SPDYE5: variants seen among roughly 807,000 people sequenced by gnomAD.
The protein encoded by SPDYE5 is speedy protein E5.
Under a neutral mutation model 48.5 loss-of-function variants are expected in SPDYE5, and 15 were observed. That is an observed-to-expected ratio of 0.31 (90% CI 0.21 to 0.48). The LOEUF is 0.48. SPDYE5 is among the 20% of genes least tolerant of loss of function. The probability of loss-of-function intolerance (pLI) is 0.99; values close to 1 mark genes in which losing one functional copy is unlikely to be tolerated. For missense variants in SPDYE5, 331 were observed against 549.1 expected, an observed-to-expected ratio of 0.60 and a Z score of 3.97; for synonymous variants, 116 against 200.7, an observed-to-expected ratio of 0.58 and a Z score of 3.57.
intron 7 of SPDYE5, 59 bp downstream of exon 7, chr7:75,501,814 G>T: frequency 6.2e-7 from 1 of 1,612,230 alleles, no homozygotes; most frequent in Non-Finnish European, 8.5e-7. Flanking sequence ...CTGGAGGCTG[G>T]ATGAGGGGAG....
intron 8 of SPDYE5, among the ~76,000 whole-genome samples, chr7:75,502,205 C>T (rs587684300): frequency 2.0e-4 from 30 of 149,180 alleles, no homozygotes; most frequent in East Asian, 8.1e-4. Context: ...CGGGGCTGCA[C>T]GGAGCCCTGA....
rs181932386 is a variant in SPDYE5 at position 75,502,352 on chromosome 7, T to A, written c.*45+370T>A. 2.1e-3 allele frequency among the ~76,000 whole-genome samples: 325 copies of A among 151,820 alleles called. 3 individuals carry two copies. Among genetic ancestry groups the A allele is most frequent in the African/African-American group, 7.5e-3 (308 of 41,316 alleles). ...TTGGGTCGAGGGTTCAGTGAAGCTT[T>A]GGTTTACATCTTGTGCAGCTAACCA... On this transcript the variant is annotated intron_variant, in intron 8 of 8. Coordinates refer to ENST00000625065, the MANE Select transcript of SPDYE5 (RefSeq NM_001306141.4).
rs1241432979 is a variant in SPDYE5 at position 75,502,982 on chromosome 7, T to C, written c.*195T>C. On this transcript the variant is annotated 3_prime_UTR_variant, in exon 9 of 9. Coordinates refer to ENST00000625065, the MANE Select transcript of SPDYE5 (RefSeq NM_001306141.4). The stretch of plus-strand genomic sequence containing the variant: ...GATGGAGCTGAATACAGTGATCACG[T>C]TGTCCTCCTAGGAGCAGGGGTGGGG... 2.0e-6 allele frequency: 1 copy of C among 510,578 alleles called. No homozygotes were observed. The highest frequency in any genetic ancestry group is 3.5e-6 in the Non-Finnish European group (1 of 286,300). The allele number at this position is 510,578 out of a possible 1,614,324, so 31.6% of individuals were successfully genotyped here. A position where few individuals can be genotyped will look rare whatever the true frequency, so the allele number is the denominator to read the frequency against.
At chr7:75,492,628 G>A (rs1554481901) in intron 1 of SPDYE5, among the ~76,000 whole-genome samples, 187 bp downstream of exon 1, 2 of 151,818 alleles carry the variant, frequency 1.3e-5, no homozygotes, top group East Asian at 1.9e-4. Flanking sequence ...TAGTAGAGAT[G>A]GGGTTTCACC....
chr7:75,499,921 C>T (rs1464805129), intron 6 of SPDYE5, among the ~76,000 whole-genome samples: 79 of 141,830 alleles, frequency 5.6e-4, no homozygotes, highest in Admixed American at 1.8e-3. Context: ...AGCAAGCAGA[C>T]GTTTCTGGTT....
At chr7:75,502,359 C>T (rs1486280522) in intron 8 of SPDYE5, among the ~76,000 whole-genome samples, 1 of 151,806 alleles carries the variant, frequency 6.6e-6, no homozygotes, top group Non-Finnish European at 1.5e-5. Context: ...CTTTGGTTTA[C>T]ATCTTGTGCA....
rs3973267 is a variant in SPDYE5, at chr7:75,492,484, A to G, written c.-422+43A>G. ...AGATGGAGTTTTGCTCGTTGCCCAG[A>G]CTGGAGCACAATGGTGCGATCTTGG... On this transcript the variant is annotated intron_variant, in intron 1 of 8. Transcript: ENST00000625065. Among the ~76,000 whole-genome samples the G allele has an allele frequency of 1.9e-4, 29 of 152,262 alleles. No individual in the cohort carries two copies. The South Asian group carries it at 5.2e-3, about 27-fold the overall frequency.
At position 75,501,862 on chromosome 7, in the gene SPDYE5, G is replaced by A; in HGVS notation, c.1150-16G>A. 6.2e-7 allele frequency: 1 copy of A among 1,612,030 alleles called. No homozygotes were observed. The highest frequency in any genetic ancestry group is 8.5e-7 in the Non-Finnish European group (1 of 1,179,862). ...TGGCGAGTCCCCGTCTTCTCAAAGG[G>A]CGTTTGTTTTTCCAGATCCAGGCTT... On this transcript the variant is annotated splice_polypyrimidine_tract_variant and intron_variant, in intron 7 of 8. Transcript: ENST00000625065.
Position 75,494,284 on chromosome 7 carries a change from G to A in SPDYE5, c.160+77G>A, listed in dbSNP as rs587775421. ...AAGGGGGCCAGGTGCGGTGGCTCAC[G>A]CCTGTAACCCCAGCACTTTGGGAGG... On this transcript the variant is annotated intron_variant, in intron 2 of 8. Transcript: ENST00000625065. The A allele has an allele frequency of 3.0e-5, 46 of 1,510,612 alleles. No homozygotes were observed. The South Asian group carries it at 4.9e-4, about 16-fold the overall frequency. 93.6% of individuals were successfully genotyped at this position (1,510,612 alleles called of 1,614,324 possible).
chr7:75,494,072 C>T lies in SPDYE5; in HGVS notation c.25C>T (p.Arg9Cys), dbSNP rs1426595366. Residue 9 changes from arginine to cysteine, a missense_variant, in exon 2 of 9, where the codon CGT becomes TGT. Physicochemically the swap from Arg to Cys is radical, Grantham distance 180. Around this residue, in one of 8 missense-constraint regions of SPDYE5, gnomAD observed 67 missense variants for 55.7 expected, o/e 1.20. Transcript: ENST00000625065. MDRTETRF[R>C]KRGQITEKIT... Reference sequence around the variant, plus strand: ...CATGGACAGAACGGAGACTAGGTTCCGTAAGAGGGGACAGATTACGGAAAA... The same window carrying T: ...CATGGACAGAACGGAGACTAGGTTCTGTAAGAGGGGACAGATTACGGAAAA... The T allele has an allele frequency of 4.6e-5, 70 of 1,533,554 alleles. No individual in the cohort carries two copies. The highest frequency in any genetic ancestry group is 5.8e-5 in the Non-Finnish European group (67 of 1,146,462). 95.0% of individuals were successfully genotyped at this position (1,533,554 alleles called of 1,614,324 possible). A position where few individuals can be genotyped will look rare whatever the true frequency, so the allele number is the denominator to read the frequency against.
intron 2 of SPDYE5, among the ~76,000 whole-genome samples, 168 bp downstream of exon 2, chr7:75,494,375 A>C (rs1407044610): frequency 6.9e-6 from 1 of 144,292 alleles, no homozygotes; most frequent in Non-Finnish European, 1.5e-5. Flanking sequence ...GTGAAACCCT[A>C]TCTCTACTAA....
chr7:75,501,254 C>T (rs1793143084), intron 6 of SPDYE5, 108 bp from the exon 7 acceptor site: 1 of 1,526,594 alleles, frequency 6.6e-7, no homozygotes, highest in East Asian at 2.3e-5. Flanking sequence ...GGGTGGGTGC[C>T]AGTCCTGAGC....
rs781998425 is a variant in SPDYE5, at chr7:75,501,772, G to A, written c.1149+17G>A. 13 of 1,564,850 alleles carry A rather than the reference G, an allele frequency of 8.3e-6. No homozygotes were observed. The East Asian group carries it at 2.5e-4, about 30-fold the overall frequency. ...TTGGAGGAGGTAGGTGGGGCCTGGGGAGGTGGAGGAGGTGGGGAGGAATCG... is the reference window on the plus strand; with the variant it reads ...TTGGAGGAGGTAGGTGGGGCCTGGGAAGGTGGAGGAGGTGGGGAGGAATCG... On this transcript the variant is annotated intron_variant, in intron 7 of 8. Coordinates refer to ENST00000625065, the MANE Select transcript of SPDYE5 (RefSeq NM_001306141.4).
At chr7:75,501,849 G>T in intron 7 of SPDYE5, 29 bp from the exon 8 acceptor site, 1 of 1,611,914 alleles carries the variant, frequency 6.2e-7, no homozygotes. Context: ...GCGAGTCCCC[G>T]TCTTCTCAAA....
rs1301888047 is a variant in SPDYE5 at position 75,493,980 on chromosome 7, T to A, written c.-68T>A. On this transcript the variant is annotated 5_prime_UTR_variant, in exon 2 of 9. An upstream open reading frame in the 5' UTR loses its in-frame stop. Coordinates refer to ENST00000625065, the MANE Select transcript of SPDYE5 (RefSeq NM_001306141.4). ...TCTTCTCAGAGCTGTTCTCCACTCC[T>A]GACTTCTCCTAGGCTTGAGAATTGA... 2 of 1,515,656 alleles carry A rather than the reference T, an allele frequency of 1.3e-6. No homozygotes were observed. The highest frequency in any genetic ancestry group is 2.8e-5 in the African/African-American group (2 of 70,538). The allele number at this position is 1,515,656 out of a possible 1,614,324, so 93.9% of individuals were successfully genotyped here.
chr7:75,497,098 C>A (rs587693029), intron 4 of SPDYE5, among the ~76,000 whole-genome samples, 194 bp downstream of exon 4: 7 of 151,896 alleles, frequency 4.6e-5, no homozygotes, highest in Non-Finnish European at 7.4e-5. Flanking sequence ...TAAAGGTCAG[C>A]GCTTGGGATA....
chr7:75,503,759 AATT>A lies in SPDYE5; in HGVS notation c.*976_*978del, dbSNP rs1194951854. 6.7e-6 allele frequency: 1 copy of A among 149,414 alleles called. No homozygotes were observed. The highest frequency in any genetic ancestry group is 2.4e-5 in the African/African-American group (1 of 41,086). 9.3% of individuals were successfully genotyped at this position (149,414 alleles called of 1,614,324 possible). ...TTTATTTTGAAAAACATGGGTATAG[AATT>A]ATTTAAATATTATTTTATTTATTGA... On this transcript the variant is annotated 3_prime_UTR_variant, in exon 9 of 9. Transcript: ENST00000625065.
upstream of SPDYE5, among the ~76,000 whole-genome samples, chr7:75,492,217 GGA>G (rs751452183): frequency 1.3e-5 from 2 of 152,006 alleles, no homozygotes; most frequent in African/African-American, 2.4e-5. Flanking sequence ...CTGTTAACTA[GGA>G]GAGAGAGAGC....
intron 5 of SPDYE5, among the ~76,000 whole-genome samples, 181 bp downstream of exon 5, chr7:75,498,177 G>C (rs1448865201): frequency 1.4e-5 from 2 of 140,366 alleles, no homozygotes; most frequent in Admixed American, 1.5e-4. Flanking sequence ...CATGCTGGAG[G>C]GCAGTGTCTC....
Sources: gnomAD v4.1 joint callset for allele counts (sites outside exome capture counted in the v4.1 genomes callset) on GRCh38, gnomAD v4.1.1 for gene constraint, gnomAD v4.1.1 regional missense constraint, MANE v1.5 for transcripts, NCBI Gene and HGNC (gene_info 2026-07-23, HGNC 2026-07-21) for gene names.